The following ZNF776 variants were observed in gnomAD, a reference collection of about 807,000 sequenced individuals.
ZNF776 encodes zinc finger protein 776.
ZNF776 carries 4 observed loss-of-function variants against 7.0 expected under a neutral mutation model. The observed-to-expected ratio is 0.57, with a 90% confidence interval of 0.28 to 1.31. The LOEUF is 1.31. ZNF776 is among the 50% of genes most tolerant of loss of function. The pLI, the probability that ZNF776 is intolerant of heterozygous loss-of-function variation, is 0.10. For synonymous variants in ZNF776, 212 were observed against 213.7 expected (o/e 0.99, Z 0.07); for missense variants, 555 against 625.9 (o/e 0.89, Z 1.21).
chr19:57,753,808 C>G lies in ZNF776; in HGVS notation c.678C>G (p.His226Gln). ...PFSNKHSLVL[H>Q]QRLLPREGPY... ...GCAACAAACACTCACTTGTCCTTCA[C>G]CAGAGACTTCTCCCTAGAGAAGGAC... The change falls in exon 3 of 3, where the codon CAC becomes CAG. Residue 226 changes from histidine to glutamine, a missense_variant. By Grantham distance (24) the His-to-Gln change is conservative. Transcript: ENST00000317178. 1 of 1,614,226 alleles carries G rather than the reference C, an allele frequency of 6.2e-7. No homozygotes were observed. The highest frequency in any genetic ancestry group is 2.2e-5 in the East Asian group (1 of 44,882).
At chr19:57,751,577 G>C (rs1448633484) in intron 2 of ZNF776, among the ~76,000 whole-genome samples, 1 of 151,910 alleles carries the variant, frequency 6.6e-6, no homozygotes, top group Non-Finnish European at 1.5e-5. Flanking sequence ...TATTGCCCAG[G>C]CTGGTCTCTG....
At position 57,746,915 on chromosome 19, in the gene ZNF776, T is replaced by C; in HGVS notation, c.-144T>C. 1.3e-6 allele frequency: 1 copy of C among 748,230 alleles called. No homozygotes were observed. The highest frequency in any genetic ancestry group is 2.1e-6 in the Non-Finnish European group (1 of 473,584). 46.3% of individuals were successfully genotyped at this position (748,230 alleles called of 1,614,324 possible). ...GAACCCAGAAGGTGGAGACGAGACGTTGTCCCGACTGCACAGAGGCTGCTC... is the reference window on the plus strand; with the variant it reads ...GAACCCAGAAGGTGGAGACGAGACGCTGTCCCGACTGCACAGAGGCTGCTC... On this transcript the variant is annotated 5_prime_UTR_variant, in exon 1 of 3. Transcript: ENST00000317178.
Position 57,757,490 on chromosome 19 carries a change from T to C in ZNF776, c.*2803T>C, listed in dbSNP as rs1365160120. 6.6e-6 allele frequency: 1 copy of C among 152,276 alleles called. No individual in the cohort carries two copies. Among genetic ancestry groups the C allele is most frequent in the African/African-American group, 2.4e-5 (1 of 41,462 alleles). 9.4% of individuals were successfully genotyped at this position (152,276 alleles called of 1,614,324 possible). On this transcript the variant is annotated 3_prime_UTR_variant, in exon 3 of 3. Transcript: ENST00000317178. ...TTCCAATTTAATCAGGTGGAAATGA[T>C]CTTCCTGGCTCATAAGTATTTGGTA...
chr19:57,756,837 A>G lies in ZNF776; in HGVS notation c.*2150A>G, dbSNP rs1986790421. The G allele has an allele frequency of 4.4e-6, 2 of 454,988 alleles. No individual in the cohort carries two copies. The highest frequency in any genetic ancestry group is 8.8e-6 in the Non-Finnish European group (2 of 226,198). 28.2% of individuals were successfully genotyped at this position (454,988 alleles called of 1,614,324 possible). ...GTGTCCTACGTTATAAGCCTGGAGA[A>G]AGAAATCATAATTCTTTAATTTTTA... On this transcript the variant is annotated 3_prime_UTR_variant, in exon 3 of 3. Coordinates refer to ENST00000317178, the MANE Select transcript of ZNF776 (RefSeq NM_173632.4).
At chr19:57,751,936 A>G (rs1986622238) in intron 2 of ZNF776, among the ~76,000 whole-genome samples, 1 of 126,400 alleles carries the variant, frequency 7.9e-6, no homozygotes, top group African/African-American at 3.0e-5. Context: ...CAGTGGCCCA[A>G]TCTCGGCTCA....
In ZNF776 at chr19:57,754,818, C is replaced by A; in HGVS notation, c.*131C>A. 1 of 866,094 alleles carries A rather than the reference C, an allele frequency of 1.2e-6. No individual in the cohort carries two copies. The highest frequency in any genetic ancestry group is 1.8e-6 in the Non-Finnish European group (1 of 568,200). The allele number at this position is 866,094 out of a possible 1,614,324, so 53.7% of individuals were successfully genotyped here. Reference sequence around the variant, plus strand: ...AAAGGTTGGCCTCATTCAACAATAGCAAGATCACACTGGGGAAAGGCTTTC... The same window carrying A: ...AAAGGTTGGCCTCATTCAACAATAGAAAGATCACACTGGGGAAAGGCTTTC... On this transcript the variant is annotated 3_prime_UTR_variant, in exon 3 of 3. Transcript: ENST00000317178.
intron 1 of ZNF776, among the ~76,000 whole-genome samples, chr19:57,749,868 C>T (rs1049553640): frequency 6.6e-6 from 1 of 152,104 alleles, no homozygotes; most frequent in Non-Finnish European, 1.5e-5. Flanking sequence ...ATAGTGCAAC[C>T]CCTATGTGGT....
chr19:57,750,780 G>A lies in ZNF776; in HGVS notation c.34-5G>A, dbSNP rs762812689. The A allele has an allele frequency of 3.1e-6, 5 of 1,609,894 alleles. No homozygotes were observed. The highest frequency in any genetic ancestry group is 1.7e-4 in the Middle Eastern group (1 of 6,026). On this transcript the variant is annotated splice_polypyrimidine_tract_variant and splice_region_variant and intron_variant, in intron 1 of 2. Transcript: ENST00000317178. ...TTGTGGTTTCATCTGTCATCATCACGGCAGGGCACTGTGACCTTTGAAGAT... is the reference window on the plus strand; with the variant it reads ...TTGTGGTTTCATCTGTCATCATCACAGCAGGGCACTGTGACCTTTGAAGAT...
At chr19:57,750,734 G>T in intron 1 of ZNF776, 51 bp from the exon 2 acceptor site, 1 of 1,570,336 alleles carries the variant, frequency 6.4e-7, no homozygotes, top group South Asian at 1.2e-5. Flanking sequence ...GGGTGGATAA[G>T]TGGATGAGCA....
rs760477650 is a variant in ZNF776, at chr19:57,753,323, T to C, written c.193T>C (p.Ser65Pro). The change falls in exon 3 of 3, where the codon TCT becomes CCT. Residue 65 changes from serine to proline, a missense_variant. Ser to Pro is a moderately conservative substitution (Grantham distance 74, BLOSUM62 -1). Transcript: ENST00000317178. ...CWYGAKDETP[S>P]KQTLSIQQES... The stretch of plus-strand genomic sequence containing the variant: ...GTATGGAGCAAAAGACGAGACACCT[T>C]CTAAGCAGACCCTTTCTATACAACA... The C allele has an allele frequency of 6.2e-7, 1 of 1,613,354 alleles. No individual in the cohort carries two copies. The highest frequency in any genetic ancestry group is 8.5e-7 in the Non-Finnish European group (1 of 1,179,728).
rs147284191 is a variant in ZNF776, at chr19:57,750,233, G to A, written c.34-552G>A. Among the ~76,000 whole-genome samples the A allele has an allele frequency of 6.5e-3, 980 of 151,402 alleles. 11 individuals are homozygous for A. The highest frequency in any genetic ancestry group is 0.021 in the Middle Eastern group (6 of 292). On this transcript the variant is annotated intron_variant, in intron 1 of 2. Coordinates refer to ENST00000317178, the MANE Select transcript of ZNF776 (RefSeq NM_173632.4). ...GAGCTCAGGATTTCGAGACTAACCT[G>A]GGCAACATAGTGAAACCTTCTCTCT...
intron 1 of ZNF776, among the ~76,000 whole-genome samples, chr19:57,747,662 C>G (rs773791639): frequency 6.6e-6 from 1 of 152,086 alleles, no homozygotes; most frequent in Non-Finnish European, 1.5e-5. Flanking sequence ...TTCAGGGAGG[C>G]CTGAGCTTAT....
rs1423645683 is a variant in ZNF776, at chr19:57,755,011, A to G, written c.*324A>G. On this transcript the variant is annotated 3_prime_UTR_variant, in exon 3 of 3. Transcript: ENST00000317178. ...TGAGTTCACAGTTGAGAAAGGCCAT[A>G]TGACTGTAAGGAATTTGTAAAATTA... The G allele has an allele frequency of 1.0e-5, 3 of 296,864 alleles. No individual in the cohort carries two copies. Among genetic ancestry groups the G allele is most frequent in the Admixed American group, 4.7e-5 (1 of 21,272 alleles). The allele number at this position is 296,864 out of a possible 1,614,324, so 18.4% of individuals were successfully genotyped here.
At position 57,754,349 on chromosome 19, in the gene ZNF776, A is replaced by G. The variant is rs1303025532; in HGVS notation, c.1219A>G (p.Lys407Glu). 10 of 1,613,588 alleles carry G rather than the reference A, an allele frequency of 6.2e-6. No homozygotes were observed. In the South Asian group the frequency reaches 8.8e-5, roughly 14 times the overall value. Residue 407 changes from lysine (K) to glutamate (E), a missense_variant, in exon 3 of 3, where the codon AAA becomes GAA. Transcript: ENST00000317178. ...VHTGERPYEC[K>E]ECRKSFRYKS... ...CACTGGAGAAAGACCCTATGAGTGT[A>G]AAGAATGTAGGAAATCATTTAGGTA...
chr19:57,753,946 AT>A lies in ZNF776; in HGVS notation c.820del (p.Trp274GlyfsTer118). 3 of 1,614,220 alleles carry A rather than the reference AT, an allele frequency of 1.9e-6. No homozygotes were observed. The highest frequency in any genetic ancestry group is 2.5e-6 in the Non-Finnish European group (3 of 1,180,040). ...ATCAGTGTGGACAATGTGATGAATC[AT>A]TTTGGTATAAGGCCCACCTCACTGA... ...PYQCGQCDES[F>X]WYKAHLTEHQ... On this transcript the variant is annotated frameshift_variant, in exon 3 of 3. Coordinates refer to ENST00000317178, the MANE Select transcript of ZNF776 (RefSeq NM_173632.4). LOFTEE classifies it low-confidence loss of function (END_TRUNC).
chr19:57,750,937 G>T, intron 2 of ZNF776, 26 bp downstream of exon 2: 1 of 1,592,720 alleles, frequency 6.3e-7, no homozygotes, highest in South Asian at 1.1e-5. Flanking sequence ...TCTTCTCTAT[G>T]ACCTCAGCTA....
Position 57,754,797 on chromosome 19 carries a change from G to A in ZNF776, c.*110G>A. On this transcript the variant is annotated 3_prime_UTR_variant, in exon 3 of 3. Transcript: ENST00000317178. ...ATGTGCAAAATCATCTAGCCAAAAG[G>A]TTGGCCTCATTCAACAATAGCAAGA... The A allele has an allele frequency of 8.6e-7, 1 of 1,167,860 alleles. No individual in the cohort carries two copies. Among genetic ancestry groups the A allele is most frequent in the Admixed American group, 2.3e-5 (1 of 43,030 alleles). The allele number at this position is 1,167,860 out of a possible 1,614,324, so 72.3% of individuals were successfully genotyped here.
rs1245775868 is a variant in ZNF776 at position 57,755,096 on chromosome 19, T to A, written c.*409T>A. ...TAATTTACAATGGAGAAAGGCCACA[T>A]AATAATTTCTCACATAATAAATGTG... On this transcript the variant is annotated 3_prime_UTR_variant, in exon 3 of 3. Transcript: ENST00000317178. 1 of 192,998 alleles carries A rather than the reference T, an allele frequency of 5.2e-6. No homozygotes were observed. The highest frequency in any genetic ancestry group is 1.1e-5 in the Non-Finnish European group (1 of 92,486). 12.0% of individuals were successfully genotyped at this position (192,998 alleles called of 1,614,324 possible). A position where few individuals can be genotyped will look rare whatever the true frequency, so the allele number is the denominator to read the frequency against.
At chr19:57,750,749 G>C (rs1486698533) in intron 1 of ZNF776, 36 bp from the exon 2 acceptor site, 2 of 1,598,586 alleles carry the variant, frequency 1.3e-6, no homozygotes, top group South Asian at 2.2e-5. Context: ...TGAGCATATG[G>C]AGTGTTTGTG....
Sources: allele counts gnomAD v4.1 joint callset (sites outside exome capture counted in the v4.1 genomes callset), GRCh38; gene constraint gnomAD v4.1.1; transcripts MANE v1.5; gene names NCBI Gene and HGNC (gene_info 2026-07-23, HGNC 2026-07-21).